Variants in RELB observed in about 807,000 individuals in gnomAD.
RELB encodes the protein RELB proto-oncogene, NF-kB subunit, also known as transcription factor RelB.
A neutral mutation model predicts 55.4 loss-of-function variants in RELB; 14 were observed. The observed-to-expected ratio is 0.25, with a 90% CI of 0.17 to 0.40. The LOEUF is 0.40. Ranked by LOEUF, RELB falls within the 10% of genes least tolerant of loss-of-function variation. RELB has a pLI of 1.00. For missense variants in RELB, 669 were observed against 830.7 expected, an observed-to-expected ratio of 0.81 and a Z score of 2.39; for synonymous variants, 409 against 371.3, an observed-to-expected ratio of 1.10 and a Z score of -1.17.
At position 45,024,225 on chromosome 19, in the gene RELB, G is replaced by A. The variant is rs370220623; in HGVS notation, c.663-1104G>A. 2.2e-4 allele frequency among the ~76,000 whole-genome samples: 34 copies of A among 151,718 alleles called. 2 individuals carry two copies. Among genetic ancestry groups the A allele is most frequent in the East Asian group, 9.7e-4 (5 of 5,144 alleles). On this transcript the variant is annotated intron_variant, in intron 5 of 11. Transcript: ENST00000221452. ...CGCCCAGGCTGGAGTGCAGTGGCGCGATCTCGGCTCACTGCAAACTCCGCC... is the reference window on the plus strand; with the variant it reads ...CGCCCAGGCTGGAGTGCAGTGGCGCAATCTCGGCTCACTGCAAACTCCGCC...
rs777667013 is a variant in RELB at position 45,001,538 on chromosome 19, C to T, written c.-42C>T. 1.6e-6 allele frequency: 2 copies of T among 1,237,658 alleles called. No homozygotes were observed. Among genetic ancestry groups the T allele is most frequent in the East Asian group, 3.2e-5 (1 of 31,212 alleles). 76.7% of individuals were successfully genotyped at this position (1,237,658 alleles called of 1,614,324 possible). A position where few individuals can be genotyped will look rare whatever the true frequency, so the allele number is the denominator to read the frequency against. ...CGCCGCTCGTCCGACCCGCGATCGT[C>T]CACCAGACCGTGCCTCCCGGCCGCC... On this transcript the variant is annotated 5_prime_UTR_variant, in exon 1 of 12. Coordinates refer to ENST00000221452, the MANE Select transcript of RELB (RefSeq NM_006509.4).
At chr19:45,031,210 GTT>G (rs112719442) in intron 8 of RELB, among the ~76,000 whole-genome samples, 1 of 146,708 alleles carries the variant, frequency 6.8e-6, no homozygotes, top group African/African-American at 2.5e-5. Flanking sequence ...TTCCGTTTTT[GTT>G]TTTTTTTTTA....
At position 45,023,791 on chromosome 19, in the gene RELB, C is replaced by A. The variant is rs948882735; in HGVS notation, c.663-1538C>A. ...TTTGAGACCGAGTCTCACTCTGTCA[C>A]CCAGGCTGGAGTGCAATGGCACGAT... On this transcript the variant is annotated intron_variant, in intron 5 of 11. Transcript: ENST00000221452. 4.5e-5 allele frequency among the ~76,000 whole-genome samples: 6 copies of A among 132,624 alleles called. No homozygotes were observed. In the Admixed American group the frequency reaches 5.0e-4, roughly 11 times the overall value. 87.0% of individuals were successfully genotyped at this position (132,624 alleles called of 152,430 possible).
chr19:45,022,213 AC>A lies in RELB; in HGVS notation c.662+6del. 1.9e-6 allele frequency: 3 copies of A among 1,592,040 alleles called. No individual in the cohort carries two copies. Among genetic ancestry groups the A allele is most frequent in the Non-Finnish European group, 2.6e-6 (3 of 1,171,798 alleles). ...CCTCACGTCAGCCCCCGGCACAGGT[AC>A]CCACCCCCTGACCTCCGACCTCTCA... On this transcript the variant is annotated splice_donor_region_variant and intron_variant, in intron 5 of 11. Coordinates refer to ENST00000221452, the MANE Select transcript of RELB (RefSeq NM_006509.4).
At chr19:45,029,050 A>C in intron 8 of RELB, 58 bp downstream of exon 8, 1 of 1,164,414 alleles carries the variant, frequency 8.6e-7, no homozygotes, top group Non-Finnish European at 1.3e-6. Flanking sequence ...TTGGAGGGGT[A>C]GCCAGGGAGC....
intron 8 of RELB, among the ~76,000 whole-genome samples, chr19:45,030,812 A>G (rs906028787): frequency 2.0e-5 from 3 of 152,180 alleles, no homozygotes; most frequent in Non-Finnish European, 4.4e-5. Context: ...AGAATAAAGT[A>G]AAGTGAAGAA....
At chr19:45,010,248 G>A (rs1183317744) in intron 3 of RELB, among the ~76,000 whole-genome samples, 1 of 149,666 alleles carries the variant, frequency 6.7e-6, no homozygotes, top group Non-Finnish European at 1.5e-5. Flanking sequence ...CTTGGAAGCC[G>A]AGGCTGCAGT....
intron 8 of RELB, 107 bp from the exon 9 acceptor site, chr19:45,032,427 T>A (rs1971635189): frequency 8.0e-5 from 73 of 910,032 alleles, no homozygotes; most frequent in Non-Finnish European, 9.8e-5. Flanking sequence ...AAAAAAAAAA[T>A]TTTAAAAAGG....
chr19:45,005,259 A>G (rs1226642762), intron 2 of RELB, among the ~76,000 whole-genome samples: 1 of 152,214 alleles, frequency 6.6e-6, no homozygotes, highest in African/African-American at 2.4e-5. Context: ...TTGCATTTTT[A>G]GCAAGCTCCC....
chr19:45,011,970 C>A lies in RELB; in HGVS notation c.198C>A (p.Phe66Leu). 2 of 1,560,210 alleles carry A rather than the reference C, an allele frequency of 1.3e-6. No individual in the cohort carries two copies. The highest frequency in any genetic ancestry group is 1.2e-5 in the South Asian group (1 of 84,538). ...ACGAGTACATCAAGGAGAACGGCTT[C>A]GGCCTGGACGGGGGACAGCCGGGCC... is the stretch of plus-strand genomic sequence containing the variant. ...IIDEYIKENGFGLDGGQPGPG... is the reference protein window; with the variant it reads ...IIDEYIKENGLGLDGGQPGPG... The change falls in exon 4 of 12, where the codon TTC becomes TTA. Residue 66 changes from phenylalanine to leucine, a missense_variant. Around this residue, in one of 3 missense-constraint regions of RELB, gnomAD observed 323 missense variants for 368.5 expected, o/e 0.88. Coordinates refer to ENST00000221452, the MANE Select transcript of RELB (RefSeq NM_006509.4).
At chr19:45,029,578 A>T (rs993831423) in intron 8 of RELB, among the ~76,000 whole-genome samples, 4 of 151,748 alleles carry the variant, frequency 2.6e-5, no homozygotes, top group Non-Finnish European at 5.9e-5. Context: ...GGCTGGGCGC[A>T]GTGGCTCATG....
Position 45,037,613 on chromosome 19 carries a change from C to G in RELB, c.1563C>G (p.Ala521=). 6.2e-7 allele frequency: 1 copy of G among 1,604,076 alleles called. No homozygotes were observed. Among genetic ancestry groups the G allele is most frequent in the East Asian group, 2.3e-5 (1 of 43,922 alleles). ...GCGCTGTTGTGTGCAGCGGAGGTGC[C>G]GGGGCCGTGGTTGGGGAGACCCCCG... The part of the protein sequence containing the change: ...HASAVVCSGG[A]GAVVGETPGP... Residue 521 remains alanine (A), a synonymous_variant, in exon 12 of 12, where the codon GCC becomes GCG. Transcript: ENST00000221452.
intron 1 of RELB, 149 bp from the exon 2 acceptor site, chr19:45,002,800 G>A: frequency 1.6e-6 from 1 of 628,436 alleles, no homozygotes; most frequent in Non-Finnish European, 2.8e-6. Flanking sequence ...TAGCTGGTAA[G>A]CCTGGCCAGA....
chr19:45,009,873 A>G (rs1228091688), intron 3 of RELB, 51 bp downstream of exon 3: 28 of 1,533,768 alleles, frequency 1.8e-5, no homozygotes, highest in Non-Finnish European at 2.4e-5. Flanking sequence ...CCAAGTGCCT[A>G]CAGAAGGGGG....
At chr19:45,030,097 G>A (rs914833696) in intron 8 of RELB, among the ~76,000 whole-genome samples, 1 of 149,842 alleles carries the variant, frequency 6.7e-6, no homozygotes, top group Non-Finnish European at 1.5e-5. Flanking sequence ...AGCCCGGGAG[G>A]CGGAGGCTGC....
At position 45,037,418 on chromosome 19, in the gene RELB, G is replaced by A. The variant is rs1438717187; in HGVS notation, c.1368G>A (p.Pro456=). Residue 456 remains proline (P), a synonymous_variant, in exon 12 of 12, where the codon CCG becomes CCA. Transcript: ENST00000221452. ...TCATCCCCGTAGGCCCGTTCCTCCC[G>A]CCGTCAGCCCTGCTGCCAGACCCTG... is the stretch of plus-strand genomic sequence containing the variant. ...LPNHGSGPFL[P]PSALLPDPDF... 1.2e-5 allele frequency: 19 copies of A among 1,576,596 alleles called. No individual in the cohort carries two copies. Among genetic ancestry groups the A allele is most frequent in the Admixed American group, 9.2e-5 (5 of 54,552 alleles).
In RELB at chr19:45,037,619, C is replaced by G. The variant is rs779152710; in HGVS notation, c.1569C>G (p.Ala523=). ...SAVVCSGGAG[A]VVGETPGPEP... is the part of the protein sequence containing the mutation. ...TTGTGTGCAGCGGAGGTGCCGGGGC[C>G]GTGGTTGGGGAGACCCCCGGCCCTG... Residue 523 remains alanine (A), a synonymous_variant, in exon 12 of 12, where the codon GCC becomes GCG. Transcript: ENST00000221452. 6.2e-7 allele frequency: 1 copy of G among 1,602,886 alleles called. No individual in the cohort carries two copies. The highest frequency in any genetic ancestry group is 8.5e-7 in the Non-Finnish European group (1 of 1,175,480).
At chr19:45,027,165 G>A (rs890676510) in intron 7 of RELB, among the ~76,000 whole-genome samples, 17 of 150,866 alleles carry the variant, frequency 1.1e-4, no homozygotes, top group Admixed American at 6.6e-5. Flanking sequence ...CCCTGGAGGC[G>A]GAGCTTGCAG....
intron 2 of RELB, among the ~76,000 whole-genome samples, chr19:45,007,481 G>C (rs946975775): frequency 4.6e-5 from 7 of 152,166 alleles, no homozygotes; most frequent in African/African-American, 1.7e-4. Flanking sequence ...GAGACGGTAA[G>C]TGACTTGCCC....
Sources: allele counts gnomAD v4.1 joint callset (sites outside exome capture counted in the v4.1 genomes callset), GRCh38; gene constraint gnomAD v4.1.1; regional missense constraint gnomAD v4.1.1; transcripts MANE v1.5; gene names NCBI Gene and HGNC (gene_info 2026-07-23, HGNC 2026-07-21).